KCNIP4: variants seen among roughly 807,000 people sequenced by gnomAD.
KCNIP4 encodes potassium voltage-gated channel interacting protein 4.
In KCNIP4, 12 loss-of-function variants were observed where a neutral mutation model predicts 34.0. The observed-to-expected ratio is 0.35, with a 90% CI of 0.23 to 0.57. The LOEUF (loss-of-function observed/expected upper bound fraction) is 0.57, where lower values mean the gene tolerates loss of function less well. KCNIP4 is among the 20% of genes least tolerant of loss of function. The pLI, the probability that KCNIP4 is intolerant of heterozygous loss-of-function variation, is 0.83. For missense variants in KCNIP4, 238 were observed against 311.7 expected, an observed-to-expected ratio of 0.76 and a Z score of 1.78; for synonymous variants, 124 against 102.2, an observed-to-expected ratio of 1.21 and a Z score of -1.29.
chr4:21,295,084 A>G (rs1010156661), intron 1 of KCNIP4, among the ~76,000 whole-genome samples: 1 of 152,172 alleles, frequency 6.6e-6, no homozygotes, highest in Admixed American at 6.5e-5. Flanking sequence ...AAGTGTAATT[A>G]TAAGTGTGGT....
chr4:21,235,906 C>A (rs1004427247), intron 1 of KCNIP4, among the ~76,000 whole-genome samples: 1 of 152,114 alleles, frequency 6.6e-6, no homozygotes, highest in Non-Finnish European at 1.5e-5. Flanking sequence ...GTCTTGAGAT[C>A]ATTAGAGATT....
At chr4:21,071,363 A>C (rs1300382352) in intron 1 of KCNIP4, among the ~76,000 whole-genome samples, 4 of 152,102 alleles carry the variant, frequency 2.6e-5, no homozygotes, top group African/African-American at 9.7e-5. Flanking sequence ...TTCCTCCATT[A>C]AGTTGTTACT....
At chr4:21,142,069 T>G (rs1440955562) in intron 1 of KCNIP4, among the ~76,000 whole-genome samples, 2 of 147,010 alleles carry the variant, frequency 1.4e-5, no homozygotes, top group Admixed American at 1.4e-4. Flanking sequence ...GAGAATCGTG[T>G]GAACCCGGGA....
chr4:21,221,918 C>CT (rs1285528099), intron 1 of KCNIP4, among the ~76,000 whole-genome samples: 5 of 152,232 alleles, frequency 3.3e-5, no homozygotes, highest in East Asian at 1.9e-4. Context: ...TGTTCCTGTT[C>CT]TTTTTTATTC....
intron 1 of KCNIP4, among the ~76,000 whole-genome samples, chr4:21,261,322 T>C (rs1344071938): frequency 6.6e-6 from 1 of 151,402 alleles, no homozygotes. Flanking sequence ...GGGATACTTT[T>C]GAGAAAAGAT....
intron 1 of KCNIP4, among the ~76,000 whole-genome samples, chr4:21,405,188 C>A (rs535112801): frequency 6.6e-6 from 1 of 152,282 alleles, no homozygotes; most frequent in South Asian, 2.1e-4. Context: ...AATTTTCCGT[C>A]CACTAACATG....
At chr4:21,728,680 C>T (rs893375336) in intron 1 of KCNIP4, among the ~76,000 whole-genome samples, 19 of 152,244 alleles carry the variant, frequency 1.2e-4, no homozygotes, top group Middle Eastern at 3.4e-3. Context: ...AACTACTGGC[C>T]TCTTCTTCAC....
intron 1 of KCNIP4, among the ~76,000 whole-genome samples, chr4:21,372,207 G>T (rs1205294410): frequency 6.8e-6 from 1 of 147,152 alleles, no homozygotes. Flanking sequence ...ATTATAAATA[G>T]AGTCTTATCT....
Position 21,559,964 on chromosome 4 carries a change from C to T in KCNIP4, c.61+388607G>A, listed in dbSNP as rs962358208. 6.6e-5 allele frequency among the ~76,000 whole-genome samples: 10 copies of T among 152,080 alleles called. No individual in the cohort carries two copies. The East Asian group carries it at 1.9e-3, about 29-fold the overall frequency. On this transcript the variant is annotated intron_variant, in intron 1 of 8. Transcript: ENST00000382152. ...TATTCATTTCTCATGGAATTATTTC[C>T]TCTTGCTTGATTTATGCCCTTACTT...
At chr4:21,656,405 G>T (rs569553894) in intron 1 of KCNIP4, 3 of 152,288 alleles carry the variant, frequency 2.0e-5, no homozygotes, top group East Asian at 1.9e-4. Context: ...AATATTGGGG[G>T]TTAGAACTTC....
chr4:21,356,562 C>A (rs529921910), intron 1 of KCNIP4, among the ~76,000 whole-genome samples: 1 of 152,218 alleles, frequency 6.6e-6, no homozygotes, highest in South Asian at 2.1e-4. Flanking sequence ...AACTCCCATT[C>A]ACAATTGCTT....
intron 1 of KCNIP4, among the ~76,000 whole-genome samples, chr4:21,704,862 G>A (rs1006440600): frequency 6.6e-6 from 1 of 152,000 alleles, no homozygotes; most frequent in African/African-American, 2.4e-5. Flanking sequence ...TTGTACTCCA[G>A]AGCATTTATC....
chr4:21,611,051 G>A (rs1051159105), intron 1 of KCNIP4, among the ~76,000 whole-genome samples: 3 of 152,022 alleles, frequency 2.0e-5, no homozygotes, highest in African/African-American at 7.2e-5. Context: ...TCCCACTTAT[G>A]AGTGAGAACA....
intron 1 of KCNIP4, among the ~76,000 whole-genome samples, chr4:21,205,345 C>G (rs1577885440): frequency 6.6e-6 from 1 of 152,102 alleles, no homozygotes; most frequent in East Asian, 1.9e-4. Flanking sequence ...GTCATGATCC[C>G]AAGGTATAAC....
chr4:20,952,290 T>A (rs1419300786), intron 1 of KCNIP4, among the ~76,000 whole-genome samples: 1 of 152,184 alleles, frequency 6.6e-6, no homozygotes, highest in East Asian at 1.9e-4. Flanking sequence ...AGATTATATC[T>A]AGGCACTTCT....
intron 1 of KCNIP4, among the ~76,000 whole-genome samples, chr4:21,922,489 CT>C (rs1728990564): frequency 6.6e-6 from 1 of 152,100 alleles, no homozygotes; most frequent in Admixed American, 6.6e-5. Flanking sequence ...AAAGTATTTT[CT>C]TTTATATGCT....
At chr4:20,961,998 A>T (rs1169170377) in intron 1 of KCNIP4, among the ~76,000 whole-genome samples, 1 of 152,178 alleles carries the variant, frequency 6.6e-6, no homozygotes, top group East Asian at 1.9e-4. Context: ...ATGACTACGT[A>T]TCTTTCCTAA....
At chr4:21,112,168 A>C (rs1749273457) in intron 1 of KCNIP4, among the ~76,000 whole-genome samples, 1 of 152,168 alleles carries the variant, frequency 6.6e-6, no homozygotes, top group Non-Finnish European at 1.5e-5. Flanking sequence ...GTCTATCCTT[A>C]AGAATGGAAC....
chr4:21,092,108 T>C (rs1037553145), intron 1 of KCNIP4, among the ~76,000 whole-genome samples: 20 of 152,072 alleles, frequency 1.3e-4, no homozygotes, highest in African/African-American at 4.8e-4. Context: ...TCTATTCCAG[T>C]TCCCATGTAT....
Sources: gnomAD v4.1 joint callset for allele counts (sites outside exome capture counted in the v4.1 genomes callset) on GRCh38, gnomAD v4.1.1 for gene constraint, MANE v1.5 for transcripts, NCBI Gene and HGNC (gene_info 2026-07-23, HGNC 2026-07-21) for gene names.